Variants in DMD observed in about 807,000 individuals in gnomAD.
The protein encoded by DMD is mutant dystrophin.
DMD carries 63 observed loss-of-function variants against 330.1 expected under a neutral mutation model. The ratio of observed to expected loss-of-function variants is 0.19; its 90% CI spans 0.16 to 0.24. The LOEUF is 0.24. Among genes scored for constraint, DMD ranks in the 10% least tolerant of loss-of-function variants. DMD has a pLI of 1.00. For missense variants in DMD, 3,344 were observed against 2,684.1 expected, an observed-to-expected ratio of 1.25 and a Z score of -5.43; for synonymous variants, 1,223 against 959.8, an observed-to-expected ratio of 1.27 and a Z score of -5.07.
intron 29 of DMD, among the ~76,000 whole-genome samples, chrX:32,422,578 A>T (rs1049082401): frequency 5.4e-5 from 6 of 111,965 alleles, no homozygotes; most frequent in African/African-American, 9.7e-5. Flanking sequence ...TACGAAACAT[A>T]GTGAGGTAGA....
At chrX:31,379,403 T>C (rs1417991014) in intron 60 of DMD, among the ~76,000 whole-genome samples, 1 of 111,286 alleles carries the variant, frequency 9.0e-6, no homozygotes, top group Non-Finnish European at 1.9e-5. Flanking sequence ...AGGCTCTTTT[T>C]CATCAAATAA....
At chrX:32,565,272 T>C (rs1165473290) in intron 16 of DMD, among the ~76,000 whole-genome samples, 3 of 111,780 alleles carry the variant, frequency 2.7e-5, no homozygotes, top group Non-Finnish European at 3.8e-5. Context: ...TCAAAAGACC[T>C]GAACCCTAGT....
intron 41 of DMD, among the ~76,000 whole-genome samples, chrX:32,317,857 G>A (rs1418146717): frequency 5.6e-5 from 6 of 106,771 alleles, no homozygotes; most frequent in Non-Finnish European, 7.8e-5. Context: ...TTTTAACTGC[G>A]TTGGTGTTAA....
intron 30 of DMD, among the ~76,000 whole-genome samples, chrX:32,408,149 T>G: frequency 8.9e-6 from 1 of 111,851 alleles, no homozygotes; most frequent in East Asian, 2.8e-4. Context: ...ATTGGCTAAG[T>G]GTTATCTTTT....
intron 7 of DMD, among the ~76,000 whole-genome samples, chrX:32,701,222 A>G (rs183348558): frequency 2.7e-4 from 30 of 111,961 alleles, no homozygotes; most frequent in African/African-American, 9.7e-4. Flanking sequence ...CATTACTTAT[A>G]AGCAGACTGT....
At chrX:31,680,456 C>T (rs770139250) in intron 52 of DMD, among the ~76,000 whole-genome samples, 3 of 110,052 alleles carry the variant, frequency 2.7e-5, no homozygotes, top group Non-Finnish European at 3.8e-5. Context: ...CTGCAACCTC[C>T]GCCTCCCGGG....
At chrX:32,386,723 T>A (rs1395259983) in intron 32 of DMD, among the ~76,000 whole-genome samples, 2 of 74,677 alleles carry the variant, frequency 2.7e-5, no homozygotes, top group Non-Finnish European at 5.6e-5. Flanking sequence ...TATATATGTG[T>A]TTTGTGATAT....
chrX:32,171,513 G>A (rs948726007), intron 44 of DMD, among the ~76,000 whole-genome samples: 2 of 111,299 alleles, frequency 1.8e-5, no homozygotes, highest in Non-Finnish European at 3.8e-5. Context: ...CTAGTGATAG[G>A]ATTTATAAAG....
chrX:33,035,087 T>C (rs57767185), intron 1 of DMD, among the ~76,000 whole-genome samples: 7,455 of 111,949 alleles, frequency 0.067, 607 homozygotes, highest in African/African-American at 0.23. Flanking sequence ...TGAAAAATGT[T>C]GGATGAAAAA....
intron 6 of DMD, 49 bp downstream of exon 6, chrX:32,816,419 C>G (rs1395382848): frequency 4.2e-6 from 5 of 1,187,498 alleles, no homozygotes; most frequent in Non-Finnish European, 5.7e-6. Context: ...TCATCAGAGT[C>G]TAAATCACCA....
chrX:31,461,257 A>C (rs1237713977), intron 59 of DMD, among the ~76,000 whole-genome samples: 2 of 112,272 alleles, frequency 1.8e-5, no homozygotes, highest in African/African-American at 6.5e-5. Context: ...ATATGTCTTC[A>C]GGTACATACA....
chrX:32,218,262 T>A (rs1340498658), intron 43 of DMD, among the ~76,000 whole-genome samples: 1 of 111,654 alleles, frequency 9.0e-6, no homozygotes, highest in African/African-American at 3.3e-5. Flanking sequence ...CTGACGCTGT[T>A]ATTTTTCAAA....
At chrX:32,243,570 G>A (rs895176123) in intron 43 of DMD, among the ~76,000 whole-genome samples, 4 of 111,656 alleles carry the variant, frequency 3.6e-5, no homozygotes, top group Non-Finnish European at 7.5e-5. Context: ...CCATTATACA[G>A]TCATTCCATT....
At chrX:32,643,559 C>T (rs2059604650) in intron 11 of DMD, among the ~76,000 whole-genome samples, 1 of 110,970 alleles carries the variant, frequency 9.0e-6, no homozygotes, top group Non-Finnish European at 1.9e-5. Context: ...TGCTTGTTAC[C>T]TTTATAAGAA....
At chrX:32,706,809 G>A (rs897235148) in intron 7 of DMD, among the ~76,000 whole-genome samples, 2 of 111,258 alleles carry the variant, frequency 1.8e-5, no homozygotes, top group African/African-American at 6.5e-5. Flanking sequence ...TAAAAACTAT[G>A]GCTGGGCATG....
At chrX:31,854,350 A>C (rs2093580295) in intron 48 of DMD, among the ~76,000 whole-genome samples, 1 of 112,062 alleles carries the variant, frequency 8.9e-6, no homozygotes, top group Admixed American at 9.5e-5. Flanking sequence ...TAAAAACAGT[A>C]AAATATGGAA....
chrX:31,902,034 G>A (rs2094429888), intron 47 of DMD, among the ~76,000 whole-genome samples: 1 of 111,113 alleles, frequency 9.0e-6, no homozygotes, highest in Non-Finnish European at 1.9e-5. Flanking sequence ...ATTCCTTTTA[G>A]GTATCTGCTT....
intron 20 of DMD, among the ~76,000 whole-genome samples, chrX:32,486,019 G>C (rs1488006811): frequency 9.1e-6 from 1 of 110,131 alleles, no homozygotes; most frequent in Non-Finnish European, 1.9e-5. Context: ...GGGATTACAG[G>C]TGTGAGCCAC....
At chrX:32,595,198 C>T (rs1336769644) in intron 13 of DMD, among the ~76,000 whole-genome samples, 1 of 111,310 alleles carries the variant, frequency 9.0e-6, no homozygotes, top group Non-Finnish European at 1.9e-5. Context: ...TAGTAGATGT[C>T]TTTGGGCCAA....
Sources: allele counts gnomAD v4.1 joint callset (sites outside exome capture counted in the v4.1 genomes callset), GRCh38; gene constraint gnomAD v4.1.1; transcripts MANE v1.5; gene names NCBI Gene and HGNC (gene_info 2026-07-23, HGNC 2026-07-21).